The following TBC1D30 variants were observed in gnomAD, a reference collection of about 807,000 sequenced individuals.
TBC1D30 encodes TBC1 domain family, member 30.
Under a neutral mutation model 63.2 loss-of-function variants are expected in TBC1D30, and 31 were observed. The ratio of observed to expected loss-of-function variants is 0.49; its 90% CI spans 0.37 to 0.66. TBC1D30 has a LOEUF of 0.66. Ranked by LOEUF, TBC1D30 falls within the 30% of genes least tolerant of loss-of-function variation. The pLI, the probability that TBC1D30 is intolerant of heterozygous loss-of-function variation, is 0.00. For missense variants in TBC1D30, 810 were observed against 953.6 expected, an observed-to-expected ratio of 0.85 and a Z score of 1.98; for synonymous variants, 307 against 361.5, an observed-to-expected ratio of 0.85 and a Z score of 1.71.
chr12:64,820,695 G>A (rs1237040226), upstream of TBC1D30, among the ~76,000 whole-genome samples: 1 of 152,228 alleles, frequency 6.6e-6, no homozygotes, highest in African/African-American at 2.4e-5. Context: ...GCTGGCTTGA[G>A]TTCTCTGTAA....
intron 1 of TBC1D30, among the ~76,000 whole-genome samples, chr12:64,784,594 C>G (rs1871454654): frequency 6.7e-6 from 1 of 149,774 alleles, no homozygotes; most frequent in East Asian, 1.9e-4. Flanking sequence ...GCTCTAGTGA[C>G]TAATCATATC....
chr12:64,760,258 T>C (rs1308033053), intron 1 of TBC1D30, among the ~76,000 whole-genome samples: 1 of 152,022 alleles, frequency 6.6e-6, no homozygotes, highest in Non-Finnish European at 1.5e-5. Context: ...CTGGAATAAT[T>C]AGACTTTGCC....
Position 64,876,799 on chromosome 12 carries a change from GCTTTCTAGCTCCCTCTCACTCCTGCC to G in TBC1D30, c.*1023_*1048del. On this transcript the variant is annotated 3_prime_UTR_variant, in exon 12 of 12. Coordinates refer to ENST00000539867, the MANE Select transcript of TBC1D30 (RefSeq NM_015279.2). ...GCCTTTCTCTGGAGAAGGCCCCAGT[GCTTTCTAGCTCCCTCTCACTCCTGCC>G]CTTTCTAGCTCTCTCTCACCCAGCG... 2.2e-6 allele frequency: 1 copy of G among 456,132 alleles called. No homozygotes were observed. The highest frequency in any genetic ancestry group is 4.4e-6 in the Non-Finnish European group (1 of 226,802). The allele number at this position is 456,132 out of a possible 1,614,324, so 28.3% of individuals were successfully genotyped here.
At chr12:64,779,054 C>T (rs746475091), upstream of TBC1D30, 1 of 152,164 alleles carries the variant, frequency 6.6e-6, no homozygotes, top group Non-Finnish European at 1.5e-5. Context: ...TTTTCTTGGT[C>T]TCTTTTTTCC....
Position 64,827,876 on chromosome 12 carries a change from G to C in TBC1D30, c.196G>C (p.Gly66Arg). ...GAAATTCACTCTTGAGCCATCTTTA[G>C]GTCAAAATGGTTTTCAGCAGGTAAC... Reference protein sequence around the residue: ...KLKFTLEPSLGQNGFQQWYDA... With the variant: ...KLKFTLEPSLRQNGFQQWYDA... Residue 66 changes from glycine (G) to arginine (R), a missense_variant, in exon 2 of 12, where the codon GGT becomes CGT. Gly to Arg is a moderately radical substitution (Grantham distance 125). Coordinates refer to ENST00000539867, the MANE Select transcript of TBC1D30 (RefSeq NM_015279.2). The C allele has an allele frequency of 6.5e-7, 1 of 1,534,578 alleles. No individual in the cohort carries two copies. The highest frequency in any genetic ancestry group is 1.2e-5 in the South Asian group (1 of 83,710).
chr12:64,853,918 C>T (rs1877087297), intron 8 of TBC1D30, among the ~76,000 whole-genome samples: 1 of 152,212 alleles, frequency 6.6e-6, no homozygotes, highest in South Asian at 2.1e-4. Flanking sequence ...GAGCTGCAGA[C>T]TGGAGCTGTT....
intron 2 of TBC1D30, among the ~76,000 whole-genome samples, chr12:64,792,012 G>A (rs1305922416): frequency 6.6e-6 from 1 of 152,026 alleles, no homozygotes; most frequent in East Asian, 1.9e-4. Context: ...ACATTTGCAG[G>A]CATAAAATTA....
rs1491156302 is a variant in TBC1D30, at chr12:64,805,981, T to TA, written c.643+19944dup. On this transcript the variant is annotated intron_variant, in intron 2 of 12. Transcript: ENST00000542120. ...CTCTCTGCCATCCCAGTCTGACCAC[T>TA]AAAAAAAATTAGTTGCAATTTATTT... Among the ~76,000 whole-genome samples, 4 of 152,190 alleles carry TA rather than the reference T, an allele frequency of 2.6e-5. No individual in the cohort carries two copies. The South Asian group carries it at 6.2e-4, about 24-fold the overall frequency.
At chr12:64,765,656 C>T (rs969767962) in intron 1 of TBC1D30, among the ~76,000 whole-genome samples, 4 of 151,274 alleles carry the variant, frequency 2.6e-5, no homozygotes, top group African/African-American at 9.7e-5. Context: ...ATAACTTGTT[C>T]AAGTATTTAA....
rs1879223095 is a variant in TBC1D30, at chr12:64,878,217, T to C, written c.*2429T>C. 3.3e-6 allele frequency: 1 copy of C among 301,392 alleles called. No individual in the cohort carries two copies. The highest frequency in any genetic ancestry group is 6.6e-6 in the Non-Finnish European group (1 of 150,828). 18.7% of individuals were successfully genotyped at this position (301,392 alleles called of 1,614,324 possible). ...CTGTGTACCAATAACATGCATGCAT[T>C]GTACCAAGTAATCACAATGTGAATT... On this transcript the variant is annotated 3_prime_UTR_variant, in exon 12 of 12. Transcript: ENST00000539867.
chr12:64,778,093 A>G (rs1236472892), upstream of TBC1D30, among the ~76,000 whole-genome samples: 1 of 152,214 alleles, frequency 6.6e-6, no homozygotes, highest in African/African-American at 2.4e-5. Flanking sequence ...CCAGAGCTTC[A>G]GGGAACTTGT....
intron 5 of TBC1D30, among the ~76,000 whole-genome samples, chr12:64,835,557 T>C (rs916117538): frequency 2.0e-5 from 3 of 152,202 alleles, no homozygotes; most frequent in Non-Finnish European, 2.9e-5. Flanking sequence ...TTTTAGGGAA[T>C]GGGTCAGGTA....
chr12:64,825,346 C>A, intron 1 of TBC1D30: 1 of 344,694 alleles, frequency 2.9e-6, no homozygotes, highest in Non-Finnish European at 5.3e-6. Flanking sequence ...GGGTGGCTGC[C>A]CGGGCCCTCA....
Position 64,875,653 on chromosome 12 carries a change from C to T in TBC1D30, c.2151C>T (p.Pro717=), listed in dbSNP as rs1222527387. Residue 717 remains proline, a synonymous_variant, in exon 12 of 12, where the codon CCC becomes CCT. Coordinates refer to ENST00000539867, the MANE Select transcript of TBC1D30 (RefSeq NM_015279.2). ...TTAGCCCTTTTCCCAGCGTCAAGCC[C>T]CTGCGGAAATCTGCTACTGCCAGGA... The part of the protein sequence containing the change: ...PIFSPFPSVK[P]LRKSATARNL... 7 of 1,536,350 alleles carry T rather than the reference C, an allele frequency of 4.6e-6. No individual in the cohort carries two copies. Among genetic ancestry groups the T allele is most frequent in the Non-Finnish European group, 5.2e-6 (6 of 1,146,966 alleles).
intron 1 of TBC1D30, among the ~76,000 whole-genome samples, chr12:64,770,607 T>C (rs1870869521): frequency 6.6e-6 from 1 of 152,218 alleles, no homozygotes; most frequent in Admixed American, 6.5e-5. Flanking sequence ...TGGTGCCTGG[T>C]GCTGCCTGCT....
At chr12:64,862,516 C>G (rs1244617833) in intron 8 of TBC1D30, among the ~76,000 whole-genome samples, 1 of 152,124 alleles carries the variant, frequency 6.6e-6, no homozygotes, top group Non-Finnish European at 1.5e-5. Flanking sequence ...GACCATCATC[C>G]CTGGGGCAGG....
intron 2 of TBC1D30, among the ~76,000 whole-genome samples, chr12:64,807,669 G>A (rs767728133): frequency 7.9e-5 from 12 of 152,124 alleles, no homozygotes; most frequent in South Asian, 2.1e-4. Context: ...CAAACTAATC[G>A]TGGATCAAAA....
chr12:64,822,443 A>T (rs1235756327), upstream of TBC1D30, among the ~76,000 whole-genome samples: 2 of 152,128 alleles, frequency 1.3e-5, no homozygotes, highest in African/African-American at 2.4e-5. Flanking sequence ...GGCCTCCCAA[A>T]GCACTGGGAT....
At chr12:64,820,052 C>G (rs1189041513), upstream of TBC1D30, among the ~76,000 whole-genome samples, 1 of 152,064 alleles carries the variant, frequency 6.6e-6, no homozygotes, top group African/African-American at 2.4e-5. Flanking sequence ...AGGCTGGCTC[C>G]CTGTGGTCTC....
Sources: gnomAD v4.1 joint callset for allele counts (sites outside exome capture counted in the v4.1 genomes callset) on GRCh38, gnomAD v4.1.1 for gene constraint, MANE v1.5 for transcripts, NCBI Gene and HGNC (gene_info 2026-07-23, HGNC 2026-07-21) for gene names.